The following NOXO1 variants were observed in gnomAD, a reference collection of about 807,000 sequenced individuals.
NOXO1 encodes the protein NADPH oxidase organizer 1.
In NOXO1, 38 loss-of-function variants were observed where a neutral mutation model predicts 33.3. The ratio of observed to expected loss-of-function variants is 1.14; its 90% CI spans 0.88 to 1.50. NOXO1 has a LOEUF of 1.50. Among genes scored for constraint, NOXO1 ranks in the 40% most tolerant of loss-of-function variants. The pLI, the probability that NOXO1 is intolerant of heterozygous loss-of-function variation, is 0.00. For missense variants in NOXO1, 675 were observed against 527.1 expected (o/e 1.28, Z -2.75); for synonymous variants, 302 against 237.3 (o/e 1.27, Z -2.51).
intron 6 of NOXO1, 105 bp from the exon 7 acceptor site, chr16:1,979,647 G>T (rs1435199240): frequency 1.6e-6 from 2 of 1,255,862 alleles, no homozygotes; most frequent in Non-Finnish European, 2.2e-6. Context: ...CGGCGGGGCC[G>T]CTCTAAGACC....
Position 1,979,769 on chromosome 16 carries a change from GGGGT to G in NOXO1, c.700+17_700+20del. 6.7e-7 allele frequency: 1 copy of G among 1,487,400 alleles called. No individual in the cohort carries two copies. Among genetic ancestry groups the G allele is most frequent in the Non-Finnish European group, 9.0e-7 (1 of 1,107,082 alleles). The allele number at this position is 1,487,400 out of a possible 1,614,324, so 92.1% of individuals were successfully genotyped here. Reference sequence around the variant, plus strand: ...CGGTCAAGCCGCAGTGGTGGCGTGAGGGGTGGGGTTAGGCGCATACCGCTGCTCC... The same window carrying G: ...CGGTCAAGCCGCAGTGGTGGCGTGAGGGGGTTAGGCGCATACCGCTGCTCC... On this transcript the variant is annotated intron_variant, in intron 6 of 7. Transcript: ENST00000356120.
rs377339896 is a variant in NOXO1 at position 1,979,094 on chromosome 16, T to G, written c.1074A>C (p.Arg358=). 3 of 1,509,070 alleles carry G rather than the reference T, an allele frequency of 2.0e-6. No homozygotes were observed. The allele number at this position is 1,509,070 out of a possible 1,614,324, so 93.5% of individuals were successfully genotyped here. A position where few individuals can be genotyped will look rare whatever the true frequency, so the allele number is the denominator to read the frequency against. The change falls in exon 8 of 8, where the codon CGA becomes CGC. Residue 358 remains arginine, a synonymous_variant. Coordinates refer to ENST00000356120, the MANE Select transcript of NOXO1 (RefSeq NM_172167.3). ...GGTGCGGCACAGAGTCCACGCACCCTCGAGGGCGGCCCTGGCGCCGTGGGC... is the reference window on the plus strand; with the variant it reads ...GGTGCGGCACAGAGTCCACGCACCCGCGAGGGCGGCCCTGGCGCCGTGGGC... ...ERRPRRQGRP[R]GCVDSVPHPT...
intron 4 of NOXO1, 76 bp downstream of exon 4, chr16:1,980,291 G>T: frequency 1.3e-6 from 2 of 1,524,720 alleles, no homozygotes; most frequent in Non-Finnish European, 1.8e-6. Flanking sequence ...CTATTCGCTG[G>T]CTGTTCCCCC....
In NOXO1 at chr16:1,979,217, G is replaced by T. The variant is rs1033533642; in HGVS notation, c.951C>A (p.Ser317=). 1 of 1,479,948 alleles carries T rather than the reference G, an allele frequency of 6.8e-7. No homozygotes were observed. The allele number at this position is 1,479,948 out of a possible 1,614,324, so 91.7% of individuals were successfully genotyped here. ...AGEARGFPEP[S]QATAPPPTVP... is the part of the protein sequence containing the mutation. ...CGGTGGGGGGAGGGGCGGTGGCCTG[G>T]GAGGGTTCAGGGAAGCCCCGGGCCT... Residue 317 remains serine, a synonymous_variant, in exon 8 of 8, where the codon TCC becomes TCA. Coordinates refer to ENST00000356120, the MANE Select transcript of NOXO1 (RefSeq NM_172167.3).
rs754657758 is a variant in NOXO1, at chr16:1,981,216, C to G, written c.-37G>C. ...CCAGGCTGCAGATTCCTGAAATGGG[C>G]GAGGACCCTTCTGCCTCCCCGTGCT... On this transcript the variant is annotated 5_prime_UTR_variant, in exon 1 of 8. Coordinates refer to ENST00000356120, the MANE Select transcript of NOXO1 (RefSeq NM_172167.3). 2 of 1,612,410 alleles carry G rather than the reference C, an allele frequency of 1.2e-6. No homozygotes were observed. The highest frequency in any genetic ancestry group is 8.5e-7 in the Non-Finnish European group (1 of 1,179,710).
At position 1,979,037 on chromosome 16, in the gene NOXO1, T is replaced by A. The variant is rs1173297706; in HGVS notation, c.*15A>T. 1 of 1,539,678 alleles carries A rather than the reference T, an allele frequency of 6.5e-7. No individual in the cohort carries two copies. The highest frequency in any genetic ancestry group is 2.0e-5 in the Admixed American group (1 of 50,354). On this transcript the variant is annotated 3_prime_UTR_variant, in exon 8 of 8. Coordinates refer to ENST00000356120, the MANE Select transcript of NOXO1 (RefSeq NM_172167.3). The stretch of plus-strand genomic sequence containing the variant: ...TGGGATGGCGCGGTCCATCCCCTCA[T>A]CGGGATCCTCGCGCTCACTGCTCCG...
intron 2 of NOXO1, 54 bp from the exon 3 acceptor site, chr16:1,980,785 G>A (rs943394437): frequency 4.7e-5 from 72 of 1,538,432 alleles, no homozygotes; most frequent in Non-Finnish European, 5.8e-5. Flanking sequence ...GCACCCTTGA[G>A]AGGGCGGGGT....
Position 1,979,407 on chromosome 16 carries a change from A to G in NOXO1, c.818+18T>C. 6.2e-7 allele frequency: 1 copy of G among 1,603,094 alleles called. No individual in the cohort carries two copies. Among genetic ancestry groups the G allele is most frequent in the Non-Finnish European group, 8.5e-7 (1 of 1,177,762 alleles). On this transcript the variant is annotated intron_variant, in intron 7 of 7. Coordinates refer to ENST00000356120, the MANE Select transcript of NOXO1 (RefSeq NM_172167.3). ...CCGCCTCGGCTAGCCTGCCCTGCCC[A>G]CGCCCGCTCCCGCGTACCTGCATAG...
At position 1,980,506 on chromosome 16, in the gene NOXO1, C is replaced by A; in HGVS notation, c.262G>T (p.Gly88Cys). 6.2e-7 allele frequency: 1 copy of A among 1,603,174 alleles called. No individual in the cohort carries two copies. The change falls in exon 4 of 8, where the codon GGC (glycine) becomes TGC (cysteine). Residue 88 changes from glycine (G) to cysteine (C), a missense_variant. Gly to Cys is a radical substitution (Grantham distance 159, BLOSUM62 -3). Transcript: ENST00000356120. ...TCCAACAGCTGCAGGCGCGCCAGGC[C>A]GCGGCTCGTGCGCCCCACGCGTCCC... ...LLGRVGRTSRGLARLQLLETY... is the reference protein window; with the variant it reads ...LLGRVGRTSRCLARLQLLETY...
chr16:1,979,262 T>C lies in NOXO1; in HGVS notation c.906A>G (p.Gly302=). The change falls in exon 8 of 8, where the codon GGA becomes GGG. Residue 302 remains glycine (G), a synonymous_variant. Transcript: ENST00000356120. ...GGGCCTCACCCGCCGGGTCGTCTCC[T>C]CCACGGAACCCCGTCCCGCTCAGGA... is the stretch of plus-strand genomic sequence containing the variant. The part of the protein sequence containing the change: ...GALLSGTGFR[G]GDDPAGEARG... 2 of 1,535,416 alleles carry C rather than the reference T, an allele frequency of 1.3e-6. No individual in the cohort carries two copies. Among genetic ancestry groups the C allele is most frequent in the African/African-American group, 1.4e-5 (1 of 71,908 alleles).
Position 1,980,936 on chromosome 16 carries a change from C to A in NOXO1, c.147+3G>T, listed in dbSNP as rs2083495658. ...GGCATCAGGGTGGCCCAGGGTCACT[C>A]ACCTTGAGCTGCCTGAATTCGTCCC... On this transcript the variant is annotated splice_donor_region_variant and intron_variant, in intron 2 of 7. Coordinates refer to ENST00000356120, the MANE Select transcript of NOXO1 (RefSeq NM_172167.3). 1.2e-6 allele frequency: 2 copies of A among 1,612,106 alleles called. No individual in the cohort carries two copies. Among genetic ancestry groups the A allele is most frequent in the African/African-American group, 2.7e-5 (2 of 74,918 alleles).
rs2150887349 is a variant in NOXO1, at chr16:1,979,288, G to C, written c.880C>G (p.Leu294Val). ...VLLRPEGLGA[L>V]LSGTGFRGGD... ...CCACGGAACCCCGTCCCGCTCAGGA[G>C]AGCGCCCAGCCCTTCCGGCCGCAGC... The change falls in exon 8 of 8, where the codon CTC becomes GTC. Residue 294 changes from leucine (L) to valine (V), a missense_variant. Leu to Val is a conservative substitution (Grantham distance 32). Coordinates refer to ENST00000356120, the MANE Select transcript of NOXO1 (RefSeq NM_172167.3). 8.3e-6 allele frequency: 13 copies of C among 1,559,620 alleles called. No individual in the cohort carries two copies. Among genetic ancestry groups the C allele is most frequent in the East Asian group, 4.8e-5 (2 of 41,932 alleles).
chr16:1,979,293 C>A lies in NOXO1; in HGVS notation c.875G>T (p.Gly292Val). 1 of 1,562,482 alleles carries A rather than the reference C, an allele frequency of 6.4e-7. No individual in the cohort carries two copies. Among genetic ancestry groups the A allele is most frequent in the South Asian group, 1.2e-5 (1 of 86,454 alleles). ...PAVLLRPEGL[G>V]ALLSGTGFRG... The stretch of plus-strand genomic sequence containing the variant: ...GAACCCCGTCCCGCTCAGGAGAGCG[C>A]CCAGCCCTTCCGGCCGCAGCAGCAC... Residue 292 changes from glycine (G) to valine (V), a missense_variant, in exon 8 of 8, where the codon GGC becomes GTC. Transcript: ENST00000356120.
rs774499749 is a variant in NOXO1, at chr16:1,979,502, G to T, written c.741C>A (p.Arg247=). Residue 247 remains arginine (R), a synonymous_variant, in exon 7 of 8, where the codon CGC becomes CGA. Transcript: ENST00000356120. The part of the protein sequence containing the change: ...FCASRAYESS[R]ADELSVPAGA... ...CCGCGGGCACGGACAGCTCATCTGC[G>T]CGGCTGCTCTCGTAGGCGCGGGAAG... 4.3e-6 allele frequency: 7 copies of T among 1,611,708 alleles called. No individual in the cohort carries two copies.
In NOXO1 at chr16:1,980,969, G is replaced by A; in HGVS notation, c.117C>T (p.Arg39=). 1.2e-6 allele frequency: 2 copies of A among 1,613,114 alleles called. No individual in the cohort carries two copies. The highest frequency in any genetic ancestry group is 1.7e-6 in the Non-Finnish European group (2 of 1,180,000). Residue 39 remains arginine (R), a synonymous_variant, in exon 2 of 8, where the codon CGC becomes CGT. Coordinates refer to ENST00000356120, the MANE Select transcript of NOXO1 (RefSeq NM_172167.3). The stretch of plus-strand genomic sequence containing the variant: ...GCTGCCTGAATTCGTCCCAACTCCT[G>A]CGCACGAAGGTGTCGCTGCCGTCTG... ...RWSDGSDTFV[R]RSWDEFRQLK...
At position 1,979,207 on chromosome 16, in the gene NOXO1, C is replaced by G; in HGVS notation, c.961G>C (p.Ala321Pro). The change falls in exon 8 of 8, where the codon GCC (alanine) becomes CCC (proline). Residue 321 changes from alanine (A) to proline (P), a missense_variant. Coordinates refer to ENST00000356120, the MANE Select transcript of NOXO1 (RefSeq NM_172167.3). Reference sequence around the variant, plus strand: ...CGGGTGGGCACGGTGGGGGGAGGGGCGGTGGCCTGGGAGGGTTCAGGGAAG... The same window carrying G: ...CGGGTGGGCACGGTGGGGGGAGGGGGGGTGGCCTGGGAGGGTTCAGGGAAG... ...RGFPEPSQAT[A>P]PPPTVPTRPS... 6.9e-7 allele frequency: 1 copy of G among 1,457,188 alleles called. No individual in the cohort carries two copies. The highest frequency in any genetic ancestry group is 9.0e-7 in the Non-Finnish European group (1 of 1,109,096). The allele number at this position is 1,457,188 out of a possible 1,614,324, so 90.3% of individuals were successfully genotyped here. A position where few individuals can be genotyped will look rare whatever the true frequency, so the allele number is the denominator to read the frequency against.
At chr16:1,980,270 A>G in intron 4 of NOXO1, 89 bp from the exon 5 acceptor site, 1 of 1,515,792 alleles carries the variant, frequency 6.6e-7, no homozygotes, top group South Asian at 1.2e-5. Flanking sequence ...CCAGCCTCCC[A>G]CTCTCTGCCC....
At chr16:1,979,642 G>A (rs746836254) in intron 6 of NOXO1, 100 bp from the exon 7 acceptor site, 9 of 1,293,532 alleles carry the variant, frequency 7.0e-6, no homozygotes, top group African/African-American at 1.5e-5. Flanking sequence ...GCTGACGGCG[G>A]GGCCGCTCTA....
Position 1,979,065 on chromosome 16 carries a change from G to C in NOXO1, c.1103C>G (p.Thr368Arg). The change falls in exon 8 of 8, where the codon ACG becomes AGG. Residue 368 changes from threonine to arginine, a missense_variant. Thr to Arg is a moderately conservative substitution (Grantham distance 71). Coordinates refer to ENST00000356120, the MANE Select transcript of NOXO1 (RefSeq NM_172167.3). ...RGCVDSVPHPTTEQ is the reference protein window; with the variant it reads ...RGCVDSVPHPRTEQ ...GGATCCTCGCGCTCACTGCTCCGTC[G>C]TGGGGTGCGGCACAGAGTCCACGCA... is the stretch of plus-strand genomic sequence containing the variant. 2 of 1,544,250 alleles carry C rather than the reference G, an allele frequency of 1.3e-6. No homozygotes were observed. The highest frequency in any genetic ancestry group is 1.7e-6 in the Non-Finnish European group (2 of 1,155,950).
Sources: gnomAD v4.1 joint callset for allele counts on GRCh38, gnomAD v4.1.1 for gene constraint, MANE v1.5 for transcripts, NCBI Gene and HGNC (gene_info 2026-07-23, HGNC 2026-07-21) for gene names.